Variants in TAOK3 observed in about 807,000 individuals in gnomAD.
TAOK3 encodes the protein serine/threonine-protein kinase TAO3.
Under a neutral mutation model 120.4 loss-of-function variants are expected in TAOK3, and 40 were observed. The ratio of observed to expected loss-of-function variants is 0.33; its 90% CI spans 0.26 to 0.43. The LOEUF (loss-of-function observed/expected upper bound fraction) is 0.43. TAOK3 is among the 20% of genes least tolerant of loss of function. TAOK3 has a pLI of 1.00. For synonymous variants in TAOK3, 355 were observed against 387.5 expected (o/e 0.92, Z 0.99); for missense variants, 821 against 1,112.1 (o/e 0.74, Z 3.72).
At chr12:118,360,567 C>CAAAAAAAA (rs34592832) in intron 1 of TAOK3, among the ~76,000 whole-genome samples, 1 of 86,354 alleles carries the variant, frequency 1.2e-5, no homozygotes, top group Non-Finnish European at 2.2e-5. Flanking sequence ...GACTCCGTCT[C>CAAAAAAAA]AAAAAAAAAA....
intron 1 of TAOK3, among the ~76,000 whole-genome samples, chr12:118,313,787 A>G (rs2140879510): frequency 6.6e-6 from 1 of 152,324 alleles, no homozygotes; most frequent in East Asian, 1.9e-4. Context: ...AACCAGAAGA[A>G]CTTCTTATGT....
At chr12:118,310,077 C>T (rs926638272) in intron 1 of TAOK3, among the ~76,000 whole-genome samples, 6 of 151,934 alleles carry the variant, frequency 3.9e-5, no homozygotes, top group Non-Finnish European at 7.4e-5. Flanking sequence ...GAGTTTGAGG[C>T]CACAAGATCA....
intron 1 of TAOK3, among the ~76,000 whole-genome samples, chr12:118,276,841 C>T (rs1303462678): frequency 1.3e-5 from 2 of 151,934 alleles, no homozygotes; most frequent in Non-Finnish European, 2.9e-5. Context: ...CCCGTGTCTA[C>T]TAAAAATACA....
chr12:118,272,291 CAAA>C (rs773516018), intron 1 of TAOK3, among the ~76,000 whole-genome samples: 3 of 64,182 alleles, frequency 4.7e-5, no homozygotes, highest in Non-Finnish European at 6.3e-5. Context: ...GACTCCATCT[CAAA>C]AAAAAAAAAA....
intron 1 of TAOK3, among the ~76,000 whole-genome samples, chr12:118,274,890 T>G (rs2041853700): frequency 1.3e-5 from 2 of 151,904 alleles, no homozygotes. Flanking sequence ...ATTACAGGCG[T>G]AAGCCACCAC....
At chr12:118,202,144 A>G (rs1408236122) in intron 11 of TAOK3, among the ~76,000 whole-genome samples, 2 of 148,876 alleles carry the variant, frequency 1.3e-5, no homozygotes, top group Non-Finnish European at 3.0e-5. Context: ...TATATATAAA[A>G]TAAATATTAT....
At chr12:118,200,167 T>G (rs548399871) in intron 12 of TAOK3, 1 of 152,218 alleles carries the variant, frequency 6.6e-6, no homozygotes, top group Admixed American at 6.5e-5. Flanking sequence ...TTTCTATATA[T>G]GCAATCAAGA....
chr12:118,278,270 G>A lies in TAOK3; in HGVS notation c.-193-11511C>T, dbSNP rs919573595. ...AATAAGCATAGTACCCAATATGGTA[G>A]TTTTTTGATCCTGACCCTCCTCCTT... On this transcript the variant is annotated intron_variant, in intron 1 of 20. Coordinates refer to ENST00000392533, the MANE Select transcript of TAOK3 (RefSeq NM_016281.4). Among the ~76,000 whole-genome samples the A allele has an allele frequency of 3.3e-5, 5 of 152,144 alleles. No individual in the cohort carries two copies. The East Asian group carries it at 9.6e-4, about 29-fold the overall frequency.
chr12:118,211,287 A>C (rs1017638447), intron 11 of TAOK3, among the ~76,000 whole-genome samples: 1 of 151,988 alleles, frequency 6.6e-6, no homozygotes, highest in African/African-American at 2.4e-5. Context: ...CTTCTCCTCC[A>C]TGTGTTTTGT....
chr12:118,244,187 C>G (rs569164735), intron 4 of TAOK3, among the ~76,000 whole-genome samples: 2 of 152,124 alleles, frequency 1.3e-5, no homozygotes, highest in African/African-American at 2.4e-5. Flanking sequence ...TTGAGCCTCC[C>G]GAGTGGCTGG....
At chr12:118,351,695 T>C (rs555660547) in intron 1 of TAOK3, among the ~76,000 whole-genome samples, 2 of 152,212 alleles carry the variant, frequency 1.3e-5, no homozygotes, top group South Asian at 4.1e-4. Flanking sequence ...TCTGAATATA[T>C]ACTTTGTCTT....
At chr12:118,307,386 ATC>A (rs1233802776) in intron 1 of TAOK3, among the ~76,000 whole-genome samples, 1 of 152,126 alleles carries the variant, frequency 6.6e-6, no homozygotes, top group Non-Finnish European at 1.5e-5. Context: ...TGGATTTGCT[ATC>A]TCTGTGTCCT....
chr12:118,347,990 C>G (rs972955909), intron 1 of TAOK3, among the ~76,000 whole-genome samples: 1 of 152,214 alleles, frequency 6.6e-6, no homozygotes, highest in Non-Finnish European at 1.5e-5. Context: ...ATCTACTGTT[C>G]AAAGTTCAAA....
At chr12:118,354,425 A>G (rs1043244723) in intron 1 of TAOK3, among the ~76,000 whole-genome samples, 5 of 152,212 alleles carry the variant, frequency 3.3e-5, no homozygotes, top group Non-Finnish European at 5.9e-5. Context: ...GGAGTAGGTC[A>G]GCAGGAGATT....
chr12:118,164,287 A>G (rs1444850837), intron 17 of TAOK3, among the ~76,000 whole-genome samples: 2 of 151,106 alleles, frequency 1.3e-5, no homozygotes, highest in Middle Eastern at 3.2e-3. Context: ...AGATCGCGCC[A>G]CTGCACTCCA....
At chr12:118,347,208 T>C (rs992914504) in intron 1 of TAOK3, among the ~76,000 whole-genome samples, 11 of 152,136 alleles carry the variant, frequency 7.2e-5, no homozygotes. Context: ...AGATGAGATC[T>C]CACTTTATTG....
At chr12:118,241,098 A>G (rs2040230903) in intron 5 of TAOK3, among the ~76,000 whole-genome samples, 1 of 150,218 alleles carries the variant, frequency 6.7e-6, no homozygotes, top group Non-Finnish European at 1.5e-5. Context: ...ACATATGATT[A>G]TGTCTTATAT....
chr12:118,247,959 G>A (rs1169831642), intron 3 of TAOK3, among the ~76,000 whole-genome samples: 1 of 152,084 alleles, frequency 6.6e-6, no homozygotes, highest in Non-Finnish European at 1.5e-5. Context: ...TATTATCATT[G>A]TGGACCAATA....
At chr12:118,204,344 T>C (rs972287707) in intron 11 of TAOK3, among the ~76,000 whole-genome samples, 4 of 152,118 alleles carry the variant, frequency 2.6e-5, no homozygotes, top group African/African-American at 9.7e-5. Context: ...TTTGAAGACA[T>C]TGGGAAAATG....
Sources: gnomAD v4.1 joint callset for allele counts (sites outside exome capture counted in the v4.1 genomes callset) on GRCh38, gnomAD v4.1.1 for gene constraint, MANE v1.5 for transcripts, NCBI Gene and HGNC (gene_info 2026-07-23, HGNC 2026-07-21) for gene names.